DLGAP2: variants seen among roughly 807,000 people sequenced by gnomAD.
The protein encoded by DLGAP2 is DLG associated protein 2, also known as disks large-associated protein 2.
A neutral mutation model predicts 100.3 loss-of-function variants in DLGAP2; 26 were observed. The ratio of observed to expected loss-of-function variants is 0.26; its 90% CI spans 0.19 to 0.36. The LOEUF (loss-of-function observed/expected upper bound fraction) is 0.36, where lower values mean the gene tolerates loss of function less well. Ranked by LOEUF, DLGAP2 falls within the 10% of genes least tolerant of loss-of-function variation. The probability of loss-of-function intolerance (pLI) is 1.00; values close to 1 mark genes in which losing one functional copy is unlikely to be tolerated. For missense variants in DLGAP2, 1,858 were observed against 1,453.2 expected (o/e 1.28, Z -4.53); for synonymous variants, 886 against 630.1 (o/e 1.41, Z -6.08).
intron 12 of DLGAP2, among the ~76,000 whole-genome samples, chr8:1,683,481 G>C (rs1336293054): frequency 6.6e-6 from 1 of 151,322 alleles, no homozygotes; most frequent in Non-Finnish European, 1.5e-5. Flanking sequence ...CCATACCCTG[G>C]GGGATGATGG....
At chr8:1,281,392 C>T (rs57109603) in intron 3 of DLGAP2, among the ~76,000 whole-genome samples, 3,363 of 152,222 alleles carry the variant, frequency 0.022, 130 homozygotes, top group African/African-American at 0.077. Flanking sequence ...ATTCCTAGTC[C>T]CTTAGGCGCC....
intron 2 of DLGAP2, among the ~76,000 whole-genome samples, chr8:1,013,588 G>C (rs1189184864): frequency 4.0e-5 from 6 of 149,146 alleles, no homozygotes; most frequent in Non-Finnish European, 2.9e-5. Flanking sequence ...CCCAGCAAAC[G>C]GACAGACGGC....
At chr8:899,971 G>A (rs2128997176) in intron 1 of DLGAP2, among the ~76,000 whole-genome samples, 1 of 152,344 alleles carries the variant, frequency 6.6e-6, no homozygotes, top group East Asian at 1.9e-4. Flanking sequence ...CATCCCAGAA[G>A]GCAGAAGACA....
intron 3 of DLGAP2, among the ~76,000 whole-genome samples, chr8:1,344,762 TG>T (rs1801516710): frequency 6.6e-6 from 1 of 152,164 alleles, no homozygotes; most frequent in Non-Finnish European, 1.5e-5. Flanking sequence ...CACTCCTCCT[TG>T]GGGATCACTG....
At chr8:887,308 G>A (rs901392701) in intron 1 of DLGAP2, among the ~76,000 whole-genome samples, 2 of 152,048 alleles carry the variant, frequency 1.3e-5, no homozygotes, top group Non-Finnish European at 2.9e-5. Flanking sequence ...ACACTGATGG[G>A]TCTTGACTCC....
intron 3 of DLGAP2, among the ~76,000 whole-genome samples, chr8:1,314,500 A>G (rs778061480): frequency 2.2e-4 from 33 of 152,368 alleles, no homozygotes; most frequent in Non-Finnish European, 4.1e-4. Flanking sequence ...CCATCCAAAA[A>G]ATAACACTTT....
intron 2 of DLGAP2, among the ~76,000 whole-genome samples, chr8:1,250,888 C>T (rs887452161): frequency 6.6e-6 from 1 of 152,180 alleles, no homozygotes; most frequent in Non-Finnish European, 1.5e-5. Context: ...GAGAAACGTG[C>T]CCTTAGGCGG....
At chr8:1,341,092 G>C (rs756026738) in intron 3 of DLGAP2, among the ~76,000 whole-genome samples, 4 of 152,054 alleles carry the variant, frequency 2.6e-5, no homozygotes, top group Non-Finnish European at 5.9e-5. Flanking sequence ...GAGGAGGAGG[G>C]TGGGAGGAGG....
intron 1 of DLGAP2, among the ~76,000 whole-genome samples, chr8:852,375 G>A (rs1010785174): frequency 2.0e-5 from 3 of 152,236 alleles, no homozygotes; most frequent in Non-Finnish European, 1.5e-5. Context: ...CTTTTCACAC[G>A]TGATCTTCAG....
chr8:745,046 ACTCGTAAATACACACCGTGAATGC>A (rs1820583436), intron 1 of DLGAP2, among the ~76,000 whole-genome samples: 1 of 152,086 alleles, frequency 6.6e-6, no homozygotes, highest in Non-Finnish European at 1.5e-5. Flanking sequence ...AGTTGCATGA[ACTCGTAAATACACACCGTGAATGC>A]CTCGTTACGC....
At chr8:1,566,417 A>G (rs1802403073) in intron 6 of DLGAP2, among the ~76,000 whole-genome samples, 1 of 152,208 alleles carries the variant, frequency 6.6e-6, no homozygotes, top group Admixed American at 6.5e-5. Context: ...TTTAATTTTG[A>G]AAATATAGAC....
At chr8:1,677,442 C>CA (rs1798836485) in intron 11 of DLGAP2, among the ~76,000 whole-genome samples, 1 of 152,196 alleles carries the variant, frequency 6.6e-6, no homozygotes, top group African/African-American at 2.4e-5. Context: ...CAGCTGCATG[C>CA]ACAGCTGTGT....
chr8:1,496,300 C>T lies in DLGAP2; in HGVS notation c.107-5066C>T, dbSNP rs533580143. ...CGGTGTCGGTGGAAGCATCACAGGG[C>T]CTCGTGGGGGCGCCGAGAGGAGTGC... On this transcript the variant is annotated intron_variant, in intron 3 of 14. Transcript: ENST00000637795. Among the ~76,000 whole-genome samples the T allele has an allele frequency of 1.7e-4, 26 of 152,124 alleles. No homozygotes were observed. The East Asian group carries it at 4.5e-3, about 26-fold the overall frequency.
At chr8:980,858 A>G (rs1800311631) in intron 2 of DLGAP2, among the ~76,000 whole-genome samples, 1 of 152,118 alleles carries the variant, frequency 6.6e-6, no homozygotes, top group African/African-American at 2.4e-5. Flanking sequence ...GCAGTTAGGG[A>G]ACACACAGGA....
At chr8:1,625,275 C>A (rs1420022175) in intron 6 of DLGAP2, among the ~76,000 whole-genome samples, 2 of 152,174 alleles carry the variant, frequency 1.3e-5, no homozygotes, top group African/African-American at 4.8e-5. Context: ...ATTTCTACAG[C>A]TTTTGATAAA....
Position 1,015,337 on chromosome 8 carries a change from C to CTG in DLGAP2, c.73+107378_73+107379dup, listed in dbSNP as rs546109280. ...ATGACCAGGACAGACGACGCCTCCA[C>CTG]TGTGTGTGACCAGGACAGACGATGC... On this transcript the variant is annotated intron_variant, in intron 2 of 14. Transcript: ENST00000637795. 3.1e-3 allele frequency among the ~76,000 whole-genome samples: 4 copies of CTG among 1,296 alleles called. 1 individual carries two copies. The highest frequency in any genetic ancestry group is 0.017 in the African/African-American group (3 of 172). The allele number at this position is 1,296 out of a possible 152,430, so 0.9% of individuals were successfully genotyped here. A position where few individuals can be genotyped will look rare whatever the true frequency, so the allele number is the denominator to read the frequency against.
At chr8:874,380 A>T (rs1344013688) in intron 1 of DLGAP2, among the ~76,000 whole-genome samples, 1 of 152,068 alleles carries the variant, frequency 6.6e-6, no homozygotes, top group African/African-American at 2.4e-5. Flanking sequence ...GCTGCATCTC[A>T]TAAGGTTTGA....
chr8:1,463,278 G>T (rs1215929596), intron 3 of DLGAP2, among the ~76,000 whole-genome samples: 1 of 152,218 alleles, frequency 6.6e-6, no homozygotes, highest in Non-Finnish European at 1.5e-5. Context: ...ATCAGGGAAG[G>T]TGCTGATGAG....
chr8:1,638,538 C>T (rs1228109030), intron 8 of DLGAP2, among the ~76,000 whole-genome samples: 3 of 152,144 alleles, frequency 2.0e-5, no homozygotes, highest in Admixed American at 2.0e-4. Flanking sequence ...CGCGGCCCGG[C>T]CGTACTGCAG....
Sources: allele counts gnomAD v4.1 joint callset (sites outside exome capture counted in the v4.1 genomes callset), GRCh38; gene constraint gnomAD v4.1.1; transcripts MANE v1.5; gene names NCBI Gene and HGNC (gene_info 2026-07-23, HGNC 2026-07-21).